The following CNGB1 variants were observed in gnomAD, a reference collection of about 807,000 sequenced individuals.
CNGB1 encodes cyclic nucleotide gated channel subunit beta 1, also known as cyclic nucleotide-gated channel beta-1.
In CNGB1, 126 loss-of-function variants were observed where a neutral mutation model predicts 151.7. That is an observed-to-expected ratio of 0.83 (90% CI 0.72 to 0.96). CNGB1 has a LOEUF of 0.96. Ranked by LOEUF, CNGB1 falls within the 40% of genes least tolerant of loss-of-function variation. The pLI is 0.00. For missense variants in CNGB1, 1,698 were observed against 1,627.0 expected, an observed-to-expected ratio of 1.04 and a Z score of -0.75; for synonymous variants, 623 against 635.1, an observed-to-expected ratio of 0.98 and a Z score of 0.29.
intron 17 of CNGB1, among the ~76,000 whole-genome samples, chr16:57,927,867 G>C (rs576002753): frequency 1.3e-5 from 2 of 152,340 alleles, no homozygotes; most frequent in Admixed American, 1.3e-4. Context: ...ACATACTTCA[G>C]TGAACTAAAC....
intron 25 of CNGB1, among the ~76,000 whole-genome samples, chr16:57,910,346 C>T (rs1306090549): frequency 6.6e-6 from 1 of 152,122 alleles, no homozygotes; most frequent in African/African-American, 2.4e-5. Flanking sequence ...CTCTTTCAAC[C>T]AATTGCCAAG....
chr16:57,893,142 A>G (rs1242650495), intron 31 of CNGB1, among the ~76,000 whole-genome samples: 1 of 152,216 alleles, frequency 6.6e-6, no homozygotes, highest in Admixed American at 6.5e-5. Flanking sequence ...GTATAGAATG[A>G]AGGGGAAAAT....
At chr16:57,956,636 G>A (rs1962093918) in intron 12 of CNGB1, among the ~76,000 whole-genome samples, 1 of 152,148 alleles carries the variant, frequency 6.6e-6, no homozygotes, top group African/African-American at 2.4e-5. Context: ...TGGAACAGGG[G>A]ATGCCACCAC....
intron 25 of CNGB1, 34 bp downstream of exon 25, chr16:57,911,719 C>T: frequency 6.2e-7 from 1 of 1,612,970 alleles, no homozygotes; most frequent in Non-Finnish European, 8.5e-7. Flanking sequence ...GAAGGTCACC[C>T]AGGCATGGCC....
At chr16:57,942,903 C>G (rs1215829542) in intron 14 of CNGB1, among the ~76,000 whole-genome samples, 1 of 150,402 alleles carries the variant, frequency 6.6e-6, no homozygotes, top group East Asian at 1.9e-4. Context: ...TTGAACACTA[C>G]TTAAATGTAA....
At chr16:57,942,174 G>A (rs563617931) in intron 14 of CNGB1, among the ~76,000 whole-genome samples, 4 of 152,212 alleles carry the variant, frequency 2.6e-5, no homozygotes, top group South Asian at 2.1e-4. Flanking sequence ...GACCCACCAC[G>A]CCTGGCCCAC....
intron 1 of CNGB1, 132 bp downstream of exon 1, chr16:57,970,928 A>G (rs28542085): frequency 0.15 from 23,026 of 151,966 alleles, 1,884 homozygotes; most frequent in African/African-American, 0.18. Flanking sequence ...GCTAAAGTCC[A>G]AGCTCCACCA....
chr16:57,923,636 C>A (rs1703952658), intron 17 of CNGB1, among the ~76,000 whole-genome samples: 1 of 152,202 alleles, frequency 6.6e-6, no homozygotes, highest in South Asian at 2.1e-4. Context: ...TGGTATTGCA[C>A]CCCAGTCCTG....
intron 30 of CNGB1, 54 bp from the exon 31 acceptor site, chr16:57,897,597 A>AT: frequency 6.2e-7 from 1 of 1,611,932 alleles, no homozygotes; most frequent in Non-Finnish European, 8.5e-7. Flanking sequence ...TTTCGGTCAC[A>AT]TTCAGATCTT....
chr16:57,932,841 A>G (rs549679797), intron 16 of CNGB1, among the ~76,000 whole-genome samples: 2 of 152,150 alleles, frequency 1.3e-5, no homozygotes, highest in East Asian at 3.9e-4. Flanking sequence ...CGGCCTCCCA[A>G]AGTTGCTGGG....
chr16:57,936,145 A>C (rs986424189), intron 16 of CNGB1, among the ~76,000 whole-genome samples: 1 of 152,206 alleles, frequency 6.6e-6, no homozygotes, highest in African/African-American at 2.4e-5. Flanking sequence ...GGGAGTGAGC[A>C]GTAGCAGCCC....
At chr16:57,921,436 G>T (rs1266682553) in intron 18 of CNGB1, among the ~76,000 whole-genome samples, 2 of 152,054 alleles carry the variant, frequency 1.3e-5, no homozygotes, top group African/African-American at 2.4e-5. Context: ...TGGCCAGGCT[G>T]GTCTCAAACT....
intron 1 of CNGB1, among the ~76,000 whole-genome samples, chr16:57,968,465 C>G (rs2405009): frequency 0.15 from 23,169 of 151,920 alleles, 2,428 homozygotes; most frequent in East Asian, 0.4. Flanking sequence ...CCACTGCACT[C>G]CAGCCTGGGT....
At chr16:57,904,239 C>T (rs1347894705) in intron 26 of CNGB1, among the ~76,000 whole-genome samples, 1 of 152,106 alleles carries the variant, frequency 6.6e-6, no homozygotes. Flanking sequence ...GGGACCACAC[C>T]ATGGGGGAAA....
intron 14 of CNGB1, among the ~76,000 whole-genome samples, chr16:57,942,892 A>T (rs1961707549): frequency 6.6e-6 from 1 of 151,744 alleles, no homozygotes; most frequent in Non-Finnish European, 1.5e-5. Flanking sequence ...ACCCACATTG[A>T]TTGAACACTA....
chr16:57,917,627 TACACAC>T (rs146174302), intron 20 of CNGB1, 151 bp from the exon 21 acceptor site: 27,497 of 566,274 alleles, frequency 0.049, 637 homozygotes, highest in African/African-American at 0.073. Context: ...TGTGTATATA[TACACAC>T]ACACACACAC....
intron 30 of CNGB1, 118 bp from the exon 31 acceptor site, chr16:57,897,661 CCG>C: frequency 6.4e-7 from 1 of 1,551,076 alleles, no homozygotes; most frequent in African/African-American, 1.4e-5. Flanking sequence ...GAACCTTCCC[CCG>C]CCCCCATCCC....
intron 1 of CNGB1, among the ~76,000 whole-genome samples, chr16:57,969,839 T>C (rs11645062): frequency 0.48 from 73,380 of 152,072 alleles, 18,821 homozygotes; most frequent in Non-Finnish European, 0.59. Context: ...GTGTGCTAAC[T>C]CCTAGCCCTA....
At chr16:57,897,326 G>T (rs1379713747) in intron 31 of CNGB1, 71 bp downstream of exon 31, 3 of 1,472,168 alleles carry the variant, frequency 2.0e-6, no homozygotes, top group East Asian at 2.3e-5. Flanking sequence ...AAAGATAAAG[G>T]TACTGTGGTT....
Sources: gnomAD v4.1 joint callset for allele counts (sites outside exome capture counted in the v4.1 genomes callset) on GRCh38, gnomAD v4.1.1 for gene constraint, MANE v1.5 for transcripts, NCBI Gene and HGNC (gene_info 2026-07-23, HGNC 2026-07-21) for gene names.